The following UNC79 variants were observed in gnomAD, a reference collection of about 807,000 sequenced individuals.
UNC79 encodes unc-79 subunit of NALCN channel complex.
Under a neutral mutation model 283.1 loss-of-function variants are expected in UNC79, and 37 were observed. The ratio of observed to expected loss-of-function variants is 0.13; its 90% CI spans 0.10 to 0.17. UNC79 has a LOEUF of 0.17. Among genes scored for constraint, UNC79 ranks in the 10% least tolerant of loss-of-function variants. The pLI is 1.00. For missense variants in UNC79, 2,272 were observed against 3,211.1 expected (o/e 0.71, Z 7.07); for synonymous variants, 1,107 against 1,200.2 (o/e 0.92, Z 1.61).
intron 4 of UNC79, among the ~76,000 whole-genome samples, chr14:93,484,234 T>C (rs1566982271): frequency 6.6e-6 from 1 of 152,212 alleles, no homozygotes; most frequent in Non-Finnish European, 1.5e-5. Context: ...TTTTTAGCAC[T>C]GTATCCCCAG....
chr14:93,379,836 T>G (rs1280146428), intron 1 of UNC79, among the ~76,000 whole-genome samples: 1 of 152,128 alleles, frequency 6.6e-6, no homozygotes. Flanking sequence ...AAAACCCATC[T>G]GTTCCCCAAA....
chr14:93,334,073 G>A (rs2053520788), intron 1 of UNC79, among the ~76,000 whole-genome samples: 1 of 152,170 alleles, frequency 6.6e-6, no homozygotes, highest in South Asian at 2.1e-4. Context: ...TTTTGTTGTT[G>A]TTGTTCTGAA....
At chr14:93,413,295 C>T (rs1020111353) in intron 1 of UNC79, among the ~76,000 whole-genome samples, 11 of 151,286 alleles carry the variant, frequency 7.3e-5, no homozygotes, top group East Asian at 3.9e-4. Flanking sequence ...TTTGTCCTTG[C>T]GGTTGTTTAC....
chr14:93,627,382 C>T (rs529156408), intron 30 of UNC79, among the ~76,000 whole-genome samples: 5 of 152,124 alleles, frequency 3.3e-5, no homozygotes, highest in South Asian at 4.1e-4. Context: ...TGACCTATTG[C>T]GGAAATAATG....
At chr14:93,541,416 G>C (rs2061363976) in intron 13 of UNC79, among the ~76,000 whole-genome samples, 1 of 152,174 alleles carries the variant, frequency 6.6e-6, no homozygotes, top group Non-Finnish European at 1.5e-5. Context: ...TTACCAATGC[G>C]GCAGAGAAGC....
chr14:93,581,017 G>A (rs1252747078), intron 19 of UNC79, among the ~76,000 whole-genome samples: 4 of 150,274 alleles, frequency 2.7e-5, no homozygotes, highest in Non-Finnish European at 5.9e-5. Flanking sequence ...CCAAATGTAT[G>A]CATTTTTAAA....
At chr14:93,681,583 C>T (rs542678953) in intron 41 of UNC79, among the ~76,000 whole-genome samples, 1 of 152,330 alleles carries the variant, frequency 6.6e-6, no homozygotes, top group South Asian at 2.1e-4. Context: ...CATTCAGCTT[C>T]CCTGTGCCTT....
chr14:93,384,983 G>T (rs2054739841), intron 1 of UNC79, among the ~76,000 whole-genome samples: 1 of 152,134 alleles, frequency 6.6e-6, no homozygotes, highest in African/African-American at 2.4e-5. Context: ...TCAAAAATGA[G>T]TTCATTGTAG....
intron 14 of UNC79, among the ~76,000 whole-genome samples, chr14:93,563,725 G>T (rs1439770122): frequency 6.6e-6 from 1 of 152,076 alleles, no homozygotes; most frequent in African/African-American, 2.4e-5. Flanking sequence ...GGGGAAATGG[G>T]GTGAATGTCA....
In UNC79 at chr14:93,356,808, A is replaced by C. The variant is rs1414821278; in HGVS notation, c.-351+23285A>C. Among the ~76,000 whole-genome samples the C allele has an allele frequency of 2.0e-5, 3 of 152,212 alleles. No individual in the cohort carries two copies. The East Asian group carries it at 5.8e-4, about 29-fold the overall frequency. On this transcript the variant is annotated intron_variant, in intron 1 of 49. Transcript: ENST00000256339. The stretch of plus-strand genomic sequence containing the variant: ...AGCAAATGAATAGCTCTCTTTATAT[A>C]AGGTGAATGGAGAATTTGAAATAAT...
intron 7 of UNC79, among the ~76,000 whole-genome samples, chr14:93,500,869 C>A (rs543072372): frequency 1.3e-5 from 2 of 152,248 alleles, no homozygotes; most frequent in African/African-American, 4.8e-5. Context: ...GCAAGACATA[C>A]CAAAGAGTAT....
At chr14:93,383,036 A>G (rs886628860) in intron 1 of UNC79, among the ~76,000 whole-genome samples, 2 of 152,248 alleles carry the variant, frequency 1.3e-5, no homozygotes, top group African/African-American at 4.8e-5. Flanking sequence ...GGCTAAAGAA[A>G]GAATATTTAG....
At chr14:93,552,355 A>G (rs1341361138) in intron 14 of UNC79, among the ~76,000 whole-genome samples, 2 of 152,152 alleles carry the variant, frequency 1.3e-5, no homozygotes, top group East Asian at 3.8e-4. Context: ...GGTGGTGGCA[A>G]TTTTTCATGT....
chr14:93,600,672 C>G (rs2142039318), exon 25 of UNC79: 1 of 1,613,824 alleles, frequency 6.2e-7, no homozygotes, highest in African/African-American at 1.3e-5. Context: ...CAGGATATTC[C>G]TGCTCTGAGC....
chr14:93,348,110 GAAGGA>G (rs1566883776), intron 1 of UNC79: 2 of 1,595,580 alleles, frequency 1.3e-6, no homozygotes, highest in Non-Finnish European at 1.7e-6. Context: ...AAGCAGTTCA[GAAGGA>G]ATTAGATGGA....
At chr14:93,521,204 T>A (rs2060304351) in intron 7 of UNC79, among the ~76,000 whole-genome samples, 1 of 152,012 alleles carries the variant, frequency 6.6e-6, no homozygotes, top group Non-Finnish European at 1.5e-5. Context: ...TATTTAGTGA[T>A]TTCCCCCTAC....
intron 40 of UNC79, among the ~76,000 whole-genome samples, chr14:93,667,603 C>A (rs1373555158): frequency 6.6e-6 from 1 of 152,108 alleles, no homozygotes; most frequent in East Asian, 1.9e-4. Context: ...ACAACTTCTA[C>A]TAAACATTTA....
At chr14:93,336,943 C>T (rs1434733187) in intron 1 of UNC79, among the ~76,000 whole-genome samples, 1 of 152,110 alleles carries the variant, frequency 6.6e-6, no homozygotes, top group Admixed American at 6.5e-5. Flanking sequence ...AATGGCTTCA[C>T]ACTATCCCCT....
chr14:93,703,935 C>T (rs776621810), intron 47 of UNC79, among the ~76,000 whole-genome samples: 21 of 152,096 alleles, frequency 1.4e-4, no homozygotes, highest in African/African-American at 2.9e-4. Context: ...GACTGAAACA[C>T]GGAGGAGGGC....
Sources: allele counts gnomAD v4.1 joint callset (sites outside exome capture counted in the v4.1 genomes callset), GRCh38; gene constraint gnomAD v4.1.1; transcripts MANE v1.5; gene names NCBI Gene and HGNC (gene_info 2026-07-23, HGNC 2026-07-21).